The following SLC12A7 variants were observed in gnomAD, a reference collection of about 807,000 sequenced individuals.
The protein encoded by SLC12A7 is solute carrier family 12 member 7, also known as K-Cl cotransporter 4.
In SLC12A7, 100 loss-of-function variants were observed where a neutral mutation model predicts 120.6. That is an observed-to-expected ratio of 0.83 (90% CI 0.71 to 0.98). SLC12A7 has a LOEUF of 0.98. Among genes scored for constraint, SLC12A7 ranks in the 50% least tolerant of loss-of-function variants. SLC12A7 has a pLI of 0.00. For missense variants in SLC12A7, 1,373 were observed against 1,548.1 expected, an observed-to-expected ratio of 0.89 and a Z score of 1.90; for synonymous variants, 760 against 678.0, an observed-to-expected ratio of 1.12 and a Z score of -1.88.
intron 1 of SLC12A7, among the ~76,000 whole-genome samples, chr5:1,109,847 C>G (rs565710615): frequency 6.6e-6 from 1 of 152,262 alleles, no homozygotes; most frequent in South Asian, 2.1e-4. Flanking sequence ...CTCCACAGAC[C>G]GTTCAGGGGA....
the SLC12A7 span, among the ~76,000 whole-genome samples, chr5:1,125,550 A>G: frequency 6.6e-6 from 1 of 152,190 alleles, no homozygotes; most frequent in South Asian, 2.1e-4. Context: ...AGACTATTCT[A>G]ATTTATTTAT....
rs1735019589 is a variant in SLC12A7, at chr5:1,051,390, T to TGGGGG, written c.*969_*970insCCCCC. 1 of 27,198 alleles carries TGGGGG rather than the reference T, an allele frequency of 3.7e-5. No homozygotes were observed. The highest frequency in any genetic ancestry group is 1.5e-4 in the African/African-American group (1 of 6,734). 1.7% of individuals were successfully genotyped at this position (27,198 alleles called of 1,614,324 possible). A position where few individuals can be genotyped will look rare whatever the true frequency, so the allele number is the denominator to read the frequency against. On this transcript the variant is annotated 3_prime_UTR_variant, in exon 24 of 24. Transcript: ENST00000264930. ...TGAACTGTGTGCCGTGCTCCTGGGGTGGGGTGGGGTGGGGAGGGCAGTCCT... is the reference window on the plus strand; with the variant it reads ...TGAACTGTGTGCCGTGCTCCTGGGGTGGGGGGGGGTGGGGTGGGGAGGGCAGTCCT...
upstream of SLC12A7, among the ~76,000 whole-genome samples, chr5:1,112,795 C>T (rs1382270873): frequency 2.0e-5 from 3 of 149,658 alleles, no homozygotes; most frequent in African/African-American, 5.0e-5. Flanking sequence ...GTGGAAGGAG[C>T]CTTGGATAGC....
chr5:1,141,968 C>T, the SLC12A7 span, among the ~76,000 whole-genome samples: 1 of 152,200 alleles, frequency 6.6e-6, no homozygotes, highest in Non-Finnish European at 1.5e-5. Context: ...CAGCCACCAA[C>T]TGTGGCTGTT....
chr5:1,076,404 T>C (rs1251842540), intron 13 of SLC12A7, among the ~76,000 whole-genome samples, 168 bp from the exon 14 acceptor site: 1 of 47,074 alleles, frequency 2.1e-5, no homozygotes, highest in Non-Finnish European at 4.5e-5. Flanking sequence ...TCAGGCCCCC[T>C]CAGGTTCCAG....
chr5:1,111,553 G>A (rs1024708463), intron 1 of SLC12A7, among the ~76,000 whole-genome samples: 1 of 152,142 alleles, frequency 6.6e-6, no homozygotes, highest in African/African-American at 2.4e-5. Flanking sequence ...ACCACCCAGG[G>A]GCCCGGGCTC....
chr5:1,153,813 A>G, the SLC12A7 span, among the ~76,000 whole-genome samples: 1 of 152,138 alleles, frequency 6.6e-6, no homozygotes, highest in Non-Finnish European at 1.5e-5. Flanking sequence ...TGACTTCAGA[A>G]CTAGAGAGAA....
In SLC12A7 at chr5:1,085,231, C is replaced by T. The variant is rs777422835; in HGVS notation, c.917+1G>A. On this transcript the variant is annotated splice_donor_variant, in intron 7 of 23. Transcript: ENST00000264930. LOFTEE classifies it high-confidence loss of function. ...CACGGCTCAGAGGCCCCGAGACTCA[C>T]GGGATGTCCGGGGGGTCGAAGGCAG... 3.7e-6 allele frequency: 6 copies of T among 1,612,212 alleles called. No homozygotes were observed. The highest frequency in any genetic ancestry group is 1.7e-5 in the Admixed American group (1 of 59,982).
chr5:1,055,583 G>T (rs376964219), intron 22 of SLC12A7, among the ~76,000 whole-genome samples: 2 of 152,076 alleles, frequency 1.3e-5, no homozygotes, highest in African/African-American at 4.8e-5. Context: ...CAAAGCCCAC[G>T]CGTTGTCCAT....
In SLC12A7 at chr5:1,111,361, C is replaced by A. The variant is rs1382043131; in HGVS notation, c.124+507G>T. The stretch of plus-strand genomic sequence containing the variant: ...GCCCCCTCCCCAGCCAGGGCGCAGT[C>A]CTTCCTGTTCCGCCTCTGGGGGGTG... On this transcript the variant is annotated intron_variant, in intron 1 of 23. Transcript: ENST00000264930. 3.3e-5 allele frequency among the ~76,000 whole-genome samples: 5 copies of A among 152,328 alleles called. No individual in the cohort carries two copies. In the East Asian group the frequency reaches 9.7e-4, roughly 29 times the overall value.
At chr5:1,093,705 C>G (rs1579412125) in intron 2 of SLC12A7, 50 bp from the exon 3 acceptor site, 1 of 1,603,598 alleles carries the variant, frequency 6.2e-7, no homozygotes, top group Non-Finnish European at 8.5e-7. Context: ...GCCGTGGGCC[C>G]CCCGACCTCC....
intron 22 of SLC12A7, 26 bp downstream of exon 22, chr5:1,057,445 C>T (rs1304553431): frequency 2.5e-6 from 4 of 1,591,876 alleles, no homozygotes; most frequent in Non-Finnish European, 3.4e-6. Context: ...ATCTGTTCCC[C>T]CCAGGCCACA....
chr5:1,060,623 G>A (rs939036128), intron 20 of SLC12A7, among the ~76,000 whole-genome samples, 172 bp from the exon 21 acceptor site: 1 of 152,198 alleles, frequency 6.6e-6, no homozygotes, highest in Non-Finnish European at 1.5e-5. Flanking sequence ...GGCCAGGAAG[G>A]TGTGAGCGCA....
chr5:1,119,288 C>G, the SLC12A7 span, among the ~76,000 whole-genome samples: 3 of 152,240 alleles, frequency 2.0e-5, no homozygotes, highest in Non-Finnish European at 4.4e-5. Flanking sequence ...GTTACCGCCA[C>G]TTTTTCCCAG....
intron 8 of SLC12A7, among the ~76,000 whole-genome samples, chr5:1,082,300 C>T (rs55916909): frequency 6.9e-6 from 1 of 145,556 alleles, no homozygotes; most frequent in Non-Finnish European, 1.5e-5. Flanking sequence ...TTCTGGAAAG[C>T]CTGGGCTTCC....
chr5:1,137,243 A>C, the SLC12A7 span, among the ~76,000 whole-genome samples: 1 of 151,722 alleles, frequency 6.6e-6, no homozygotes, highest in Non-Finnish European at 1.5e-5. Context: ...TTCCCAGAGC[A>C]CTCGAGGCCA....
At chr5:1,090,650 C>T (rs1409688145) in intron 3 of SLC12A7, among the ~76,000 whole-genome samples, 1 of 152,156 alleles carries the variant, frequency 6.6e-6, no homozygotes, top group Admixed American at 6.5e-5. Context: ...ACGCAGGAGC[C>T]GACAGGCAGA....
intron 20 of SLC12A7, 130 bp from the exon 21 acceptor site, chr5:1,060,581 G>A (rs956054632): frequency 4.5e-6 from 3 of 666,306 alleles, no homozygotes; most frequent in Non-Finnish European, 5.2e-6. Flanking sequence ...GGCCCCACAG[G>A]CCCCCTCTGG....
chr5:1,097,293 G>A lies in SLC12A7; in HGVS notation c.125-3045C>T, dbSNP rs373796249. Among the ~76,000 whole-genome samples, 8 of 152,184 alleles carry A rather than the reference G, an allele frequency of 5.3e-5. No homozygotes were observed. In the East Asian group the frequency reaches 5.8e-4, roughly 11 times the overall value. On this transcript the variant is annotated intron_variant, in intron 1 of 23. Transcript: ENST00000264930. ...CAAGGGGACCAACATCCTTCCCGTC[G>A]CCTCCAACACTCCCAGCAGAAGCAA...
Sources: allele counts gnomAD v4.1 joint callset (sites outside exome capture counted in the v4.1 genomes callset), GRCh38; gene constraint gnomAD v4.1.1; transcripts MANE v1.5; gene names NCBI Gene and HGNC (gene_info 2026-07-23, HGNC 2026-07-21).